Variants in CEP162 observed in about 807,000 individuals in gnomAD.
The protein encoded by CEP162 is centrosomal protein 162.
Under a neutral mutation model 169.2 loss-of-function variants are expected in CEP162, and 141 were observed. That is an observed-to-expected ratio of 0.83 (90% CI 0.73 to 0.96). The LOEUF (loss-of-function observed/expected upper bound fraction) is 0.96. Among genes scored for constraint, CEP162 ranks in the 40% least tolerant of loss-of-function variants. CEP162 has a pLI of 0.00. For synonymous variants in CEP162, 540 were observed against 526.4 expected (o/e 1.03, Z -0.35); for missense variants, 1,600 against 1,587.2 (o/e 1.01, Z -0.14).
intron 16 of CEP162, among the ~76,000 whole-genome samples, 165 bp downstream of exon 16, chr6:84,173,883 C>A (rs1454941540): frequency 6.6e-6 from 1 of 151,988 alleles, no homozygotes; most frequent in African/African-American, 2.4e-5. Flanking sequence ...TGGTGTTTCA[C>A]CATGTTGGCC....
Position 84,174,204 on chromosome 6 carries a change from G to T in CEP162, c.2026-16C>A, listed in dbSNP as rs763542267. ...AGCTGCTTAACTTGGAGAAATTGCA[G>T]AAATTGTTTTATTTGGGGAAGGAAA... On this transcript the variant is annotated splice_polypyrimidine_tract_variant and intron_variant, in intron 15 of 26. Coordinates refer to ENST00000403245, the MANE Select transcript of CEP162 (RefSeq NM_014895.4). 1 of 1,589,896 alleles carries T rather than the reference G, an allele frequency of 6.3e-7. No individual in the cohort carries two copies. Among genetic ancestry groups the T allele is most frequent in the African/African-American group, 1.3e-5 (1 of 74,082 alleles).
At chr6:84,196,745 C>T (rs1272575094) in intron 9 of CEP162, among the ~76,000 whole-genome samples, 3 of 152,030 alleles carry the variant, frequency 2.0e-5, no homozygotes, top group Admixed American at 6.6e-5. Context: ...TGTGTATATA[C>T]ACAACTTCTA....
chr6:84,192,101 G>A (rs2099540176), intron 11 of CEP162, among the ~76,000 whole-genome samples: 1 of 152,160 alleles, frequency 6.6e-6, no homozygotes. Flanking sequence ...CAACCCCACT[G>A]ACCCACAAGG....
At chr6:84,179,500 C>T (rs551639482) in intron 13 of CEP162, among the ~76,000 whole-genome samples, 6 of 152,214 alleles carry the variant, frequency 3.9e-5, no homozygotes, top group African/African-American at 1.4e-4. Context: ...ATATCCTTCA[C>T]CCACTTTTTG....
rs182858799 is a variant in CEP162, at chr6:84,200,399, G to A, written c.835+390C>T. ...CTCAGGTATTTCAGAATTTGGGGAT[G>A]GGGTGTAGCTTTTTCCTAGAGAAAG... On this transcript the variant is annotated intron_variant, in intron 9 of 26. Transcript: ENST00000403245. Among the ~76,000 whole-genome samples the A allele has an allele frequency of 5.9e-4, 90 of 152,304 alleles. 1 individual carries two copies. The highest frequency in any genetic ancestry group is 2.0e-3 in the African/African-American group (84 of 41,566).
At chr6:84,127,192 T>C (rs1000882316) in intron 25 of CEP162, among the ~76,000 whole-genome samples, 6 of 152,048 alleles carry the variant, frequency 3.9e-5, no homozygotes, top group Non-Finnish European at 5.9e-5. Context: ...CATATAATCA[T>C]GAAAAGAAAT....
intron 12 of CEP162, 49 bp downstream of exon 12, chr6:84,186,283 A>G (rs990701426): frequency 1.9e-6 from 2 of 1,056,572 alleles, no homozygotes; most frequent in African/African-American, 3.2e-5. Flanking sequence ...TATACTTTAC[A>G]TAACTTCGGT....
At chr6:84,213,525 T>C (rs9444149) in intron 5 of CEP162, among the ~76,000 whole-genome samples, 9,094 of 152,294 alleles carry the variant, frequency 0.06, 897 homozygotes, top group African/African-American at 0.21. Flanking sequence ...TATGATTTAA[T>C]TATATTGGAT....
chr6:84,180,571 G>A (rs2099534368), intron 13 of CEP162, among the ~76,000 whole-genome samples: 1 of 150,626 alleles, frequency 6.6e-6, no homozygotes, highest in Admixed American at 6.6e-5. Context: ...GTTTGCAGAT[G>A]ACATGATTGT....
chr6:84,154,056 T>C (rs74586314), intron 22 of CEP162, among the ~76,000 whole-genome samples: 6,750 of 152,096 alleles, frequency 0.044, 230 homozygotes, highest in South Asian at 0.13. Flanking sequence ...AGGAAGAGCA[T>C]ATGCAAAGCT....
chr6:84,156,990 TAA>T (rs1166965621), intron 21 of CEP162, among the ~76,000 whole-genome samples: 1 of 152,086 alleles, frequency 6.6e-6, no homozygotes, highest in Non-Finnish European at 1.5e-5. Flanking sequence ...GGGTGAGGGC[TAA>T]AAAATTACCT....
At chr6:84,198,060 C>A (rs1436273367) in intron 9 of CEP162, among the ~76,000 whole-genome samples, 3 of 152,050 alleles carry the variant, frequency 2.0e-5, no homozygotes, top group African/African-American at 4.8e-5. Flanking sequence ...TACAGCAAGG[C>A]ACAAATAATT....
At position 84,161,856 on chromosome 6, in the gene CEP162, T is replaced by A; in HGVS notation, c.2566A>T (p.Ser856Cys). The A allele has an allele frequency of 6.3e-7, 1 of 1,581,022 alleles. No individual in the cohort carries two copies. Among genetic ancestry groups the A allele is most frequent in the South Asian group, 1.1e-5 (1 of 87,112 alleles). The part of the protein sequence containing the change: ...ILEETHKQEI[S>C]RLQKRLQWYA... ...CACTGTAATCTTTTTTGCAGACGACTGATTTCTTGTTTATGTGTTTCTTCT... is the reference window on the plus strand; with the variant it reads ...CACTGTAATCTTTTTTGCAGACGACAGATTTCTTGTTTATGTGTTTCTTCT... The change falls in exon 20 of 27, where the codon AGT becomes TGT. Residue 856 changes from serine (S) to cysteine (C), a missense_variant. Transcript: ENST00000403245.
chr6:84,159,538 TATATA>T, intron 21 of CEP162, among the ~76,000 whole-genome samples: 1 of 46,822 alleles, frequency 2.1e-5, no homozygotes, highest in African/African-American at 9.0e-5. Flanking sequence ...TATATATATA[TATATA>T]TATATTTTTT....
chr6:84,128,114 G>A lies in CEP162; in HGVS notation c.3871-1602C>T, dbSNP rs565935082. On this transcript the variant is annotated intron_variant, in intron 25 of 26. Transcript: ENST00000403245. ...ATTCCTAGCACCCAGCGCTGCCCAT[G>A]GCAGAGAGGTAGGTGTTTAACAATT... Among the ~76,000 whole-genome samples, 5 of 152,320 alleles carry A rather than the reference G, an allele frequency of 3.3e-5. No individual in the cohort carries two copies. The East Asian group carries it at 9.6e-4, about 29-fold the overall frequency.
rs2099521552 is a variant in CEP162, at chr6:84,152,626, A to G, written c.3548T>C (p.Leu1183Pro). ...ATTCTTCTCTGAAATTAATCCTTCT[A>G]GCTCATTTTTTAATCTGTAGTTTTC... ...LQENYRLKNE[L>P]EGLISEKNEL... Residue 1183 changes from leucine to proline, a missense_variant, in exon 23 of 27, where the codon CTA (leucine) becomes CCA (proline). Physicochemically the swap from Leu to Pro is moderately conservative, Grantham distance 98. Transcript: ENST00000403245. 1.9e-6 allele frequency: 3 copies of G among 1,581,364 alleles called. No individual in the cohort carries two copies. Among genetic ancestry groups the G allele is most frequent in the Non-Finnish European group, 2.6e-6 (3 of 1,162,232 alleles).
At chr6:84,163,293 A>G in intron 18 of CEP162, 23 bp from the exon 19 acceptor site, 1 of 1,567,790 alleles carries the variant, frequency 6.4e-7, no homozygotes, top group South Asian at 1.1e-5. Flanking sequence ...AAGAAATATA[A>G]AAGCAAGTTT....
intron 8 of CEP162, 25 bp from the exon 9 acceptor site, chr6:84,200,930 T>A (rs1050226744): frequency 7.5e-7 from 1 of 1,329,986 alleles, no homozygotes; most frequent in Non-Finnish European, 1.1e-6. Flanking sequence ...AAGAAAAATA[T>A]AAGGAATGTA....
intron 6 of CEP162, among the ~76,000 whole-genome samples, chr6:84,206,940 C>T: frequency 6.6e-6 from 1 of 152,198 alleles, no homozygotes; most frequent in East Asian, 1.9e-4. Flanking sequence ...CAAAAGAAGA[C>T]ATTTATGCAG....
Sources: gnomAD v4.1 joint callset for allele counts (sites outside exome capture counted in the v4.1 genomes callset) on GRCh38, gnomAD v4.1.1 for gene constraint, MANE v1.5 for transcripts, NCBI Gene and HGNC (gene_info 2026-07-23, HGNC 2026-07-21) for gene names.